SPON2: variants seen among roughly 807,000 people sequenced by gnomAD.
SPON2 encodes spondin 2.
A neutral mutation model predicts 29.9 loss-of-function variants in SPON2; 32 were observed. The observed-to-expected ratio is 1.07, with a 90% CI of 0.81 to 1.44. SPON2 has a LOEUF of 1.44. Ranked by LOEUF, SPON2 falls within the 40% of genes most tolerant of loss-of-function variation. SPON2 has a pLI of 0.00. For synonymous variants in SPON2, 248 were observed against 209.1 expected, an observed-to-expected ratio of 1.19 and a Z score of -1.61; for missense variants, 541 against 455.5, an observed-to-expected ratio of 1.19 and a Z score of -1.71.
upstream of SPON2, among the ~76,000 whole-genome samples, chr4:1,195,542 C>T (rs868080975): frequency 6.6e-6 from 1 of 151,728 alleles, no homozygotes; most frequent in Non-Finnish European, 1.5e-5. Context: ...GGCTGCATCC[C>T]GGGCACCACA....
exon 1 of SPON2, chr4:1,208,041 CGCCGGG>C: frequency 6.6e-6 from 1 of 152,654 alleles, no homozygotes; most frequent in South Asian, 2.1e-4. Flanking sequence ...CTCCTCCGGG[CGCCGGG>C]CTCAGGGCCC....
At chr4:1,190,572 G>A (rs1393575725) in intron 1 of SPON2, among the ~76,000 whole-genome samples, 5 of 152,140 alleles carry the variant, frequency 3.3e-5, no homozygotes, top group Non-Finnish European at 4.4e-5. Context: ...CAACATTTTC[G>A]AAAAGATTAT....
chr4:1,167,589 A>G lies in SPON2; in HGVS notation c.879T>C (p.Cys293=). 1 of 1,613,542 alleles carries G rather than the reference A, an allele frequency of 6.2e-7. No homozygotes were observed. The highest frequency in any genetic ancestry group is 8.5e-7 in the Non-Finnish European group (1 of 1,179,976). Reference sequence around the variant, plus strand: ...TCCTGCTCTTGGTCCCGAGCCTCCCACAGTGGCCTCCGCACAGTCCCCAGG... The same window carrying G: ...TCCTGCTCTTGGTCCCGAGCCTCCCGCAGTGGCCTCCGCACAGTCCCCAGG... ...WSSWGLCGGH[C]GRLGTKSRTR... Residue 293 remains cysteine (C), a synonymous_variant, in exon 6 of 6, where the codon TGT becomes TGC. Transcript: ENST00000290902.
At chr4:1,183,235 T>A (rs904495206) in intron 1 of SPON2, among the ~76,000 whole-genome samples, 2 of 59,226 alleles carry the variant, frequency 3.4e-5, no homozygotes. Flanking sequence ...AGAGTGAAAC[T>A]CCATCAAAAA....
In SPON2 at chr4:1,171,250, G is replaced by T; in HGVS notation, c.444+13C>A. The T allele has an allele frequency of 6.8e-7, 1 of 1,469,316 alleles. No individual in the cohort carries two copies. Among genetic ancestry groups the T allele is most frequent in the African/African-American group, 1.5e-5 (1 of 67,832 alleles). 91.0% of individuals were successfully genotyped at this position (1,469,316 alleles called of 1,614,324 possible). On this transcript the variant is annotated intron_variant, in intron 3 of 5. Coordinates refer to ENST00000290902, the MANE Select transcript of SPON2 (RefSeq NM_012445.4). The stretch of plus-strand genomic sequence containing the variant: ...GCCCCCCGGACCCCGCCCCCGGCCG[G>T]CCCCGCGCTCACCAGCGAGTGCCTG...
chr4:1,197,467 A>G (rs1351698966), upstream of SPON2, among the ~76,000 whole-genome samples: 1 of 152,220 alleles, frequency 6.6e-6, no homozygotes, highest in Admixed American at 6.5e-5. Context: ...TGAAAAGCCG[A>G]GAAGCCATAA....
chr4:1,185,159 C>T (rs1053017660), intron 1 of SPON2, among the ~76,000 whole-genome samples: 1 of 151,322 alleles, frequency 6.6e-6, no homozygotes, highest in Non-Finnish European at 1.5e-5. Flanking sequence ...CTGCAGCCTC[C>T]GTCTCCTGGG....
upstream of SPON2, among the ~76,000 whole-genome samples, chr4:1,175,130 C>T (rs557492098): frequency 2.7e-4 from 41 of 152,372 alleles, no homozygotes; most frequent in East Asian, 7.3e-3. Flanking sequence ...TACTCTGCAT[C>T]CCTGGACAAT....
At chr4:1,171,686 C>T (rs1044416466) in intron 2 of SPON2, 166 bp downstream of exon 2, 4 of 763,008 alleles carry the variant, frequency 5.2e-6, no homozygotes, top group Non-Finnish European at 8.5e-6. Context: ...GCCCCCACCG[C>T]ATCCCCGGAA....
chr4:1,197,918 C>T (rs1418333539), upstream of SPON2, among the ~76,000 whole-genome samples: 4 of 151,986 alleles, frequency 2.6e-5, no homozygotes, highest in African/African-American at 7.3e-5. Context: ...CATGGTGGTG[C>T]GTGCCCGTAG....
upstream of SPON2, among the ~76,000 whole-genome samples, chr4:1,197,611 A>T (rs1357227561): frequency 7.3e-6 from 1 of 136,088 alleles, no homozygotes; most frequent in Non-Finnish European, 1.6e-5. Flanking sequence ...AGAACAATAA[A>T]GTGCATTTTA....
chr4:1,169,270 A>G (rs3775111), intron 5 of SPON2, among the ~76,000 whole-genome samples: 35,308 of 151,928 alleles, frequency 0.23, 4,557 homozygotes, highest in African/African-American at 0.35. Flanking sequence ...GCACACCACG[A>G]ACAGTGCTGG....
intron 4 of SPON2, chr4:1,170,777 C>A (rs1008956789): frequency 2.1e-6 from 2 of 935,154 alleles, no homozygotes; most frequent in Non-Finnish European, 3.4e-6. Context: ...CTCCTCGGGA[C>A]GCGCGTCCCG....
At chr4:1,190,297 AC>A (rs1727888765) in intron 1 of SPON2, among the ~76,000 whole-genome samples, 5 of 151,964 alleles carry the variant, frequency 3.3e-5, no homozygotes, top group African/African-American at 1.2e-4. Flanking sequence ...AAAAAAACAA[AC>A]AAAAAAAAAC....
At chr4:1,204,993 A>G (rs1417544502) in intron 1 of SPON2, 2 of 152,212 alleles carry the variant, frequency 1.3e-5, no homozygotes, top group Non-Finnish European at 2.9e-5. Flanking sequence ...TCTGCCTTCT[A>G]ATCAGTTTTC....
intron 1 of SPON2, among the ~76,000 whole-genome samples, chr4:1,179,818 AC>A (rs1406177842): frequency 6.6e-6 from 1 of 152,148 alleles, no homozygotes; most frequent in Non-Finnish European, 1.5e-5. Flanking sequence ...CCTAGAAGAC[AC>A]CACTTGCAAA....
intron 1 of SPON2, among the ~76,000 whole-genome samples, chr4:1,187,245 T>C (rs1727823896): frequency 6.6e-6 from 1 of 152,234 alleles, no homozygotes. Context: ...GAGGACATTA[T>C]GCTAAGTAAA....
chr4:1,202,135 C>T lies in SPON2; in HGVS notation c.-234+5745G>A, dbSNP rs185242581. On this transcript the variant is annotated intron_variant, in intron 1 of 3. Coordinates refer to the SPON2 transcript ENST00000509233. The surrounding 1 kb of genome is among the most constrained non-coding windows in gnomAD (Gnocchi z 5.4). Reference sequence around the variant, plus strand: ...CGGTTTGAGTGAGGCCACAACAGAACATCAGACAGCAGTTTATCAACAGAG... The same window carrying T: ...CGGTTTGAGTGAGGCCACAACAGAATATCAGACAGCAGTTTATCAACAGAG... 2.0e-3 allele frequency among the ~76,000 whole-genome samples: 311 copies of T among 152,310 alleles called. No individual in the cohort carries two copies. The highest frequency in any genetic ancestry group is 7.0e-3 in the African/African-American group (292 of 41,576).
chr4:1,177,531 C>T (rs1043298785), upstream of SPON2, among the ~76,000 whole-genome samples: 7 of 152,078 alleles, frequency 4.6e-5, no homozygotes, highest in African/African-American at 1.4e-4. Context: ...GTGGAGCAGA[C>T]GGCATACAGG....
Sources: gnomAD v4.1 joint callset for allele counts (sites outside exome capture counted in the v4.1 genomes callset) on GRCh38, gnomAD v4.1.1 for gene constraint, Gnocchi (gnomAD v3.1) non-coding constraint, MANE v1.5 for transcripts, NCBI Gene and HGNC (gene_info 2026-07-23, HGNC 2026-07-21) for gene names.